The following ACOT12 variants were observed in gnomAD, a reference collection of about 807,000 sequenced individuals.
ACOT12 encodes the protein acetyl-coenzyme A thioesterase.
ACOT12 carries 51 observed loss-of-function variants against 67.7 expected under a neutral mutation model. That is an observed-to-expected ratio of 0.75 (90% CI 0.60 to 0.95). The LOEUF (loss-of-function observed/expected upper bound fraction) is 0.95. Among genes scored for constraint, ACOT12 ranks in the 40% least tolerant of loss-of-function variants. The pLI is 0.00. For synonymous variants in ACOT12, 251 were observed against 244.6 expected, an observed-to-expected ratio of 1.03 and a Z score of -0.24; for missense variants, 734 against 708.1, an observed-to-expected ratio of 1.04 and a Z score of -0.41.
intron 5 of ACOT12, among the ~76,000 whole-genome samples, chr5:81,355,925 AGGCT>A (rs1350654743): frequency 6.6e-6 from 1 of 152,210 alleles, no homozygotes; most frequent in Non-Finnish European, 1.5e-5. Context: ...ACAAAAGCAA[AGGCT>A]CTGAACTAGC....
At position 81,367,488 on chromosome 5, in the gene ACOT12, T is replaced by C. The variant is rs1220278871; in HGVS notation, c.259-3599A>G. 2.0e-5 allele frequency among the ~76,000 whole-genome samples: 3 copies of C among 152,144 alleles called. No individual in the cohort carries two copies. The South Asian group carries it at 6.2e-4, about 32-fold the overall frequency. On this transcript the variant is annotated intron_variant, in intron 3 of 14. Transcript: ENST00000307624. ...TTATTACACTATACTCAAAGGGATA[T>C]TATATTATTCGAAGGTAGTCTCAGA...
intron 12 of ACOT12, among the ~76,000 whole-genome samples, chr5:81,333,313 T>C (rs1242937266): frequency 1.3e-5 from 2 of 152,230 alleles, no homozygotes; most frequent in Non-Finnish European, 2.9e-5. Flanking sequence ...TAAAGAAATG[T>C]GGTATATTGG....
Position 81,394,121 on chromosome 5 carries a change from G to A in ACOT12, c.-7C>T, listed in dbSNP as rs773353971. On this transcript the variant is annotated 5_prime_UTR_variant, in exon 1 of 15. Transcript: ENST00000307624. Reference sequence around the variant, plus strand: ...CGGGCGCCGGCCGCTCCATGGCCAGGGCGAGAGCGCTACGCCTGCGGCCCC... The same window carrying A: ...CGGGCGCCGGCCGCTCCATGGCCAGAGCGAGAGCGCTACGCCTGCGGCCCC... 7.0e-7 allele frequency: 1 copy of A among 1,434,598 alleles called. No individual in the cohort carries two copies. Among genetic ancestry groups the A allele is most frequent in the East Asian group, 3.1e-5 (1 of 32,058 alleles). The allele number at this position is 1,434,598 out of a possible 1,614,324, so 88.9% of individuals were successfully genotyped here.
chr5:81,344,341 A>G lies in ACOT12; in HGVS notation c.925-126T>C. The G allele has an allele frequency of 4.5e-6, 4 of 888,210 alleles. No individual in the cohort carries two copies. In the South Asian group the frequency reaches 6.0e-5, roughly 13 times the overall value. The allele number at this position is 888,210 out of a possible 1,614,324, so 55.0% of individuals were successfully genotyped here. A position where few individuals can be genotyped will look rare whatever the true frequency, so the allele number is the denominator to read the frequency against. On this transcript the variant is annotated intron_variant, in intron 8 of 14. Coordinates refer to ENST00000307624, the MANE Select transcript of ACOT12 (RefSeq NM_130767.3). Reference sequence around the variant, plus strand: ...GCTAACTGAGATGTGGTGTCTCTCCATGAACTGACTTCATCAAGTCAGAGT... The same window carrying G: ...GCTAACTGAGATGTGGTGTCTCTCCGTGAACTGACTTCATCAAGTCAGAGT...
chr5:81,385,726 G>A, intron 2 of ACOT12, 31 bp downstream of exon 2: 1 of 1,610,298 alleles, frequency 6.2e-7, no homozygotes, highest in East Asian at 2.2e-5. Context: ...ACAAACCCAG[G>A]AGAAAGGAGC....
the ACOT12 span, among the ~76,000 whole-genome samples, chr5:81,309,389 C>T: frequency 1.3e-5 from 2 of 152,258 alleles, no homozygotes; most frequent in East Asian, 3.9e-4. Flanking sequence ...CAGCCTCAGC[C>T]AGCATATCAT....
Position 81,393,913 on chromosome 5 carries a change from C to T in ACOT12, c.127+75G>A, listed in dbSNP as rs866354153. 1.1e-4 allele frequency: 141 copies of T among 1,229,852 alleles called. 2 individuals are homozygous for T. The Middle Eastern group carries it at 4.7e-3, about 41-fold the overall frequency. The allele number at this position is 1,229,852 out of a possible 1,614,324, so 76.2% of individuals were successfully genotyped here. A position where few individuals can be genotyped will look rare whatever the true frequency, so the allele number is the denominator to read the frequency against. On this transcript the variant is annotated intron_variant, in intron 1 of 14. Transcript: ENST00000307624. ...GCAAGTACCTTCCTCGCCTTCCTAC[C>T]CCCCCCAGCCCCCAGCCGCCGCCGC...
rs183885822 is a variant in ACOT12, at chr5:81,376,021, A to G, written c.198-4211T>C. ...ACACCTACAAAACTCTCCACCCCAA[A>G]TGAACAGAATATACATTCTTCTCAG... On this transcript the variant is annotated intron_variant, in intron 2 of 14. Transcript: ENST00000307624. Among the ~76,000 whole-genome samples, 3 of 152,206 alleles carry G rather than the reference A, an allele frequency of 2.0e-5. No homozygotes were observed. The East Asian group carries it at 5.8e-4, about 29-fold the overall frequency.
intron 2 of ACOT12, among the ~76,000 whole-genome samples, chr5:81,377,650 T>C (rs1384472356): frequency 6.6e-6 from 1 of 152,220 alleles, no homozygotes; most frequent in Non-Finnish European, 1.5e-5. Flanking sequence ...AGTCTCAAGA[T>C]ACAAAATCAA....
intron 5 of ACOT12, among the ~76,000 whole-genome samples, chr5:81,358,606 T>G (rs957218023): frequency 1.3e-5 from 2 of 152,312 alleles, no homozygotes; most frequent in South Asian, 2.1e-4. Flanking sequence ...TCCCAGCACT[T>G]TGGGAGGCCG....
At chr5:81,338,236 A>G (rs1033904166) in intron 11 of ACOT12, among the ~76,000 whole-genome samples, 6 of 152,194 alleles carry the variant, frequency 3.9e-5, no homozygotes, top group African/African-American at 1.4e-4. Flanking sequence ...CAATTTATTT[A>G]TTTATTTGTA....
chr5:81,364,384 T>C (rs1177612721), intron 3 of ACOT12, among the ~76,000 whole-genome samples: 3 of 151,808 alleles, frequency 2.0e-5, no homozygotes, highest in Non-Finnish European at 4.4e-5. Context: ...TATATATGCA[T>C]GTGTATATAA....
chr5:81,347,219 G>A (rs1203853317), intron 6 of ACOT12, among the ~76,000 whole-genome samples: 1 of 152,162 alleles, frequency 6.6e-6, no homozygotes. Flanking sequence ...CTGGGCTCAA[G>A]TGATCGTCCC....
Position 81,394,061 on chromosome 5 carries a change from C to G in ACOT12, c.54G>C (p.Ala18=). 10 of 1,473,594 alleles carry G rather than the reference C, an allele frequency of 6.8e-6. No homozygotes were observed. Among genetic ancestry groups the G allele is most frequent in the Non-Finnish European group, 8.9e-6 (10 of 1,118,914 alleles). 91.3% of individuals were successfully genotyped at this position (1,473,594 alleles called of 1,614,324 possible). A position where few individuals can be genotyped will look rare whatever the true frequency, so the allele number is the denominator to read the frequency against. The part of the protein sequence containing the change: ...EVVMSQAIQP[A]HATARGELSA... ...TCAGCTCGCCGCGCGCAGTGGCGTG[C>G]GCCGGCTGGATGGCTTGGCTCATGA... Residue 18 remains alanine (A), a synonymous_variant, in exon 1 of 15, where the codon GCG becomes GCC. Transcript: ENST00000307624.
chr5:81,328,006 G>A (rs1758714510), downstream of ACOT12, among the ~76,000 whole-genome samples: 1 of 152,134 alleles, frequency 6.6e-6, no homozygotes, highest in African/African-American at 2.4e-5. Context: ...GGGGAAGATG[G>A]TCTTTAATTC....
At chr5:81,324,259 C>G in the ACOT12 span, among the ~76,000 whole-genome samples, 1 of 152,014 alleles carries the variant, frequency 6.6e-6, no homozygotes, top group Non-Finnish European at 1.5e-5. Flanking sequence ...AGGTTATAAT[C>G]CAGATGAGAG....
At chr5:81,371,837 C>T (rs754754261) in intron 2 of ACOT12, 27 bp from the exon 3 acceptor site, 20 of 1,603,096 alleles carry the variant, frequency 1.2e-5, no homozygotes, top group Non-Finnish European at 1.4e-5. Context: ...AAAAAAACCT[C>T]AGTAGTTTTA....
rs529912573 is a variant in ACOT12, at chr5:81,347,534, T to C, written c.653+240A>G. Among the ~76,000 whole-genome samples, 442 of 152,368 alleles carry C rather than the reference T, an allele frequency of 2.9e-3. 1 individual carries two copies. Among genetic ancestry groups the C allele is most frequent in the African/African-American group, 0.01 (428 of 41,588 alleles). On this transcript the variant is annotated intron_variant, in intron 6 of 14. Coordinates refer to ENST00000307624, the MANE Select transcript of ACOT12 (RefSeq NM_130767.3). ...TCAATATTCATAATTCAGAATAAAG[T>C]ATTAAAACTGTCATCTCATTTTTAT...
Position 81,361,749 on chromosome 5 carries a change from G to T in ACOT12, c.361-1711C>A, listed in dbSNP as rs922391898. On this transcript the variant is annotated intron_variant, in intron 4 of 14. Coordinates refer to ENST00000307624, the MANE Select transcript of ACOT12 (RefSeq NM_130767.3). ...CCTCCGCACCATCTGCTTTAGCTTA[G>T]TAAGGCTTTGCATGAGTGTACCCTG... 2.6e-5 allele frequency among the ~76,000 whole-genome samples: 4 copies of T among 152,334 alleles called. No individual in the cohort carries two copies. The South Asian group carries it at 8.3e-4, about 32-fold the overall frequency.
Sources: gnomAD v4.1 joint callset for allele counts (sites outside exome capture counted in the v4.1 genomes callset) on GRCh38, gnomAD v4.1.1 for gene constraint, MANE v1.5 for transcripts, NCBI Gene and HGNC (gene_info 2026-07-23, HGNC 2026-07-21) for gene names.